The following SMIM10L3 variants were observed in gnomAD, a reference collection of about 807,000 sequenced individuals.
SMIM10L3 encodes the protein salivary gland specific protein SAGSIN1.
the SMIM10L3 span, among the ~76,000 whole-genome samples, chr7:6,337,402 G>A: frequency 0.03 from 4,565 of 152,156 alleles, 100 homozygotes; most frequent in Middle Eastern, 0.044. Flanking sequence ...GATTACAGGC[G>A]TGAGCCACTG....
chr7:6,339,514 C>A, the SMIM10L3 span, among the ~76,000 whole-genome samples: 6 of 151,618 alleles, frequency 4.0e-5, no homozygotes, highest in South Asian at 1.0e-3. Context: ...GACGGAGTCT[C>A]GCTCTGTCGC....
At chr7:6,332,099 G>C in the SMIM10L3 span, among the ~76,000 whole-genome samples, 2 of 139,610 alleles carry the variant, frequency 1.4e-5, no homozygotes, top group South Asian at 4.5e-4. Flanking sequence ...GCGACAGCTA[G>C]ACTCCATCTC....
the SMIM10L3 span, among the ~76,000 whole-genome samples, chr7:6,334,994 C>T: frequency 1.0e-4 from 15 of 150,208 alleles, no homozygotes; most frequent in African/African-American, 2.0e-4. Flanking sequence ...CTCAAACTCC[C>T]GACCTCAGGT....
chr7:6,342,419 C>G, the SMIM10L3 span, among the ~76,000 whole-genome samples: 1 of 151,934 alleles, frequency 6.6e-6, no homozygotes, highest in African/African-American at 2.4e-5. Flanking sequence ...GTGGTAGGCA[C>G]CTGTAATCCC....
At chr7:6,346,534 C>A in the SMIM10L3 span, among the ~76,000 whole-genome samples, 1 of 152,118 alleles carries the variant, frequency 6.6e-6, no homozygotes, top group East Asian at 1.9e-4. Context: ...TGCCCGGCCA[C>A]CACGCCCAGC....
the SMIM10L3 span, among the ~76,000 whole-genome samples, chr7:6,347,063 C>G: frequency 6.6e-6 from 1 of 152,286 alleles, no homozygotes; most frequent in East Asian, 1.9e-4. Context: ...TCACTGGGTT[C>G]TGACTGTAAT....
the SMIM10L3 span, among the ~76,000 whole-genome samples, chr7:6,342,240 C>A: frequency 6.6e-6 from 1 of 151,422 alleles, no homozygotes; most frequent in African/African-American, 2.4e-5. Context: ...CTCTCTCTTT[C>A]TGTCTTATAG....
At chr7:6,348,787 C>T in the SMIM10L3 span, 3 of 397,254 alleles carry the variant, frequency 7.6e-6, no homozygotes, top group East Asian at 3.6e-5. Context: ...ACAGCCCCCC[C>T]GCCCGCCCTC....
chr7:6,332,655 G>C, the SMIM10L3 span, among the ~76,000 whole-genome samples: 2 of 151,724 alleles, frequency 1.3e-5, no homozygotes, highest in Non-Finnish European at 2.9e-5. Flanking sequence ...CTGAGATCGA[G>C]TCACTCTGCC....
the SMIM10L3 span, among the ~76,000 whole-genome samples, chr7:6,333,475 A>T: frequency 6.6e-6 from 1 of 152,126 alleles, no homozygotes; most frequent in Admixed American, 6.6e-5. Context: ...GATCATAAGG[A>T]GGGACAGACT....
chr7:6,332,880 G>A, the SMIM10L3 span, among the ~76,000 whole-genome samples: 4 of 152,118 alleles, frequency 2.6e-5, no homozygotes, highest in South Asian at 2.1e-4. Context: ...ATAAATTTTG[G>A]CCAGGCGCAG....
chr7:6,346,952 G>A, the SMIM10L3 span, among the ~76,000 whole-genome samples: 1 of 152,156 alleles, frequency 6.6e-6, no homozygotes. Context: ...GTATGCAAAT[G>A]GAATGCAAGA....
the SMIM10L3 span, among the ~76,000 whole-genome samples, chr7:6,339,709 G>A: frequency 6.6e-6 from 1 of 151,994 alleles, no homozygotes; most frequent in East Asian, 1.9e-4. Context: ...CTGACCTCAT[G>A]ATCCACCCAC....
At chr7:6,347,403 C>G in the SMIM10L3 span, among the ~76,000 whole-genome samples, 1 of 151,970 alleles carries the variant, frequency 6.6e-6, no homozygotes, top group Non-Finnish European at 1.5e-5. Flanking sequence ...GTAGTCCCAG[C>G]TACTCAGGAG....
chr7:6,341,528 A>G, the SMIM10L3 span, among the ~76,000 whole-genome samples: 6 of 149,648 alleles, frequency 4.0e-5, no homozygotes, highest in Non-Finnish European at 4.4e-5. Flanking sequence ...ACTAAAAAAA[A>G]ATTTTTTTTA....
At chr7:6,347,974 G>A in the SMIM10L3 span, among the ~76,000 whole-genome samples, 1 of 150,670 alleles carries the variant, frequency 6.6e-6, no homozygotes, top group East Asian at 1.9e-4. Flanking sequence ...GCAATGGAGC[G>A]ATCTCGGCTC....
the SMIM10L3 span, chr7:6,330,226 T>C: frequency 1.3e-6 from 1 of 790,852 alleles, no homozygotes; most frequent in Non-Finnish European, 2.0e-6. Context: ...GGCTTTGAAT[T>C]TAAACTCAAT....
At chr7:6,330,626 TG>T in the SMIM10L3 span, 1 of 1,614,092 alleles carries the variant, frequency 6.2e-7, no homozygotes, top group Non-Finnish European at 8.5e-7. Flanking sequence ...CCCAGACCCT[TG>T]GGAAAAGCAC....
the SMIM10L3 span, among the ~76,000 whole-genome samples, chr7:6,334,094 C>G: frequency 3.3e-5 from 5 of 151,304 alleles, no homozygotes; most frequent in Admixed American, 6.6e-5. Flanking sequence ...GATCCGCCCA[C>G]CTTGGCCTCC....
Sources: gnomAD v4.1 joint callset for allele counts (sites outside exome capture counted in the v4.1 genomes callset) on GRCh38, gnomAD v4.1.1 for gene constraint, MANE v1.5 for transcripts, NCBI Gene and HGNC (gene_info 2026-07-23, HGNC 2026-07-21) for gene names.